The following CDK6 variants were observed in gnomAD, a reference collection of about 807,000 sequenced individuals.
CDK6 encodes the protein cyclin-dependent kinase 6.
Under a neutral mutation model 37.1 loss-of-function variants are expected in CDK6, and 6 were observed. That is an observed-to-expected ratio of 0.16 (90% CI 0.09 to 0.32). CDK6 has a LOEUF of 0.32. Ranked by LOEUF, CDK6 falls within the 10% of genes least tolerant of loss-of-function variation. The pLI, the probability that CDK6 is intolerant of heterozygous loss-of-function variation, is 1.00. For synonymous variants in CDK6, 160 were observed against 161.3 expected, an observed-to-expected ratio of 0.99 and a Z score of 0.06; for missense variants, 224 against 418.9, an observed-to-expected ratio of 0.53 and a Z score of 4.06.
intron 2 of CDK6, among the ~76,000 whole-genome samples, chr7:92,781,006 A>G (rs1799977670): frequency 6.6e-6 from 1 of 152,342 alleles, no homozygotes; most frequent in African/African-American, 2.4e-5. Flanking sequence ...TTGAATATGA[A>G]CAAAATATCT....
chr7:92,660,758 T>G (rs1205650476), intron 5 of CDK6, among the ~76,000 whole-genome samples: 14 of 151,974 alleles, frequency 9.2e-5, no homozygotes, highest in Admixed American at 9.2e-4. Context: ...TGAAGATGAT[T>G]CCAGGGTGAC....
At chr7:92,648,885 G>A (rs1369603510) in intron 5 of CDK6, among the ~76,000 whole-genome samples, 1 of 152,072 alleles carries the variant, frequency 6.6e-6, no homozygotes, top group African/African-American at 2.4e-5. Flanking sequence ...TTTGGGATAT[G>A]TAAGTATAAA....
intron 5 of CDK6, among the ~76,000 whole-genome samples, chr7:92,664,743 C>A (rs986957740): frequency 2.0e-5 from 3 of 151,964 alleles, no homozygotes; most frequent in African/African-American, 7.3e-5. Flanking sequence ...ATCTGCTTGC[C>A]ACAATCTTCG....
chr7:92,609,622 T>C lies in CDK6; in HGVS notation c.*5518A>G, dbSNP rs1299824112. 4.3e-6 allele frequency: 1 copy of C among 231,014 alleles called. No homozygotes were observed. The highest frequency in any genetic ancestry group is 8.6e-6 in the Non-Finnish European group (1 of 116,772). The allele number at this position is 231,014 out of a possible 1,614,324, so 14.3% of individuals were successfully genotyped here. On this transcript the variant is annotated 3_prime_UTR_variant, in exon 8 of 8. Coordinates refer to ENST00000424848, the MANE Select transcript of CDK6 (RefSeq NM_001145306.2). ...ATCTTTAAATTAGGATTTTAAAATT[T>C]AATCAATGTTGAAAGGCCACCATGC...
In CDK6 at chr7:92,835,999, A is replaced by T. The variant is rs1801660593; in HGVS notation, c.-368+479T>A. Reference sequence around the variant, plus strand: ...GGAGGGGAAGGTGGAGCCCACACCCACACCTCAGCGAGCTGGAGAGGGAGT... The same window carrying T: ...GGAGGGGAAGGTGGAGCCCACACCCTCACCTCAGCGAGCTGGAGAGGGAGT... On this transcript the variant is annotated intron_variant, in intron 1 of 7. Transcript: ENST00000424848. This position sits in a 1 kb window ranked among gnomAD's most constrained non-coding sequence, Gnocchi z 4.2. 6.6e-6 allele frequency among the ~76,000 whole-genome samples: 1 copy of T among 152,060 alleles called. No individual in the cohort carries two copies. Among genetic ancestry groups the T allele is most frequent in the Non-Finnish European group, 1.5e-5 (1 of 68,000 alleles).
chr7:92,795,995 T>G (rs886696521), intron 2 of CDK6, among the ~76,000 whole-genome samples: 5 of 150,960 alleles, frequency 3.3e-5, no homozygotes, highest in African/African-American at 1.2e-4. Flanking sequence ...CTGAAGAATA[T>G]CCACTGAAAC....
intron 3 of CDK6, among the ~76,000 whole-genome samples, chr7:92,729,516 T>C (rs564533865): frequency 7.9e-5 from 12 of 152,250 alleles, no homozygotes; most frequent in African/African-American, 2.4e-4. Context: ...CAGGACACCA[T>C]TGTGGAATGA....
At chr7:92,756,703 G>A (rs937544696) in intron 3 of CDK6, among the ~76,000 whole-genome samples, 1 of 152,202 alleles carries the variant, frequency 6.6e-6, no homozygotes, top group African/African-American at 2.4e-5. Context: ...CAACATTAGA[G>A]TGGTGGGCTC....
rs1471636836 is a variant in CDK6 at position 92,611,528 on chromosome 7, A to G, written c.*3612T>C. On this transcript the variant is annotated 3_prime_UTR_variant, in exon 8 of 8. Transcript: ENST00000424848. ...AAGCTTACATAATTTAATTTCCACA[A>G]TGGAACAATAATGGCCATTACTGAC... 4.4e-6 allele frequency: 1 copy of G among 227,268 alleles called. No homozygotes were observed. The highest frequency in any genetic ancestry group is 2.2e-5 in the African/African-American group (1 of 45,034). The allele number at this position is 227,268 out of a possible 1,614,324, so 14.1% of individuals were successfully genotyped here. A position where few individuals can be genotyped will look rare whatever the true frequency, so the allele number is the denominator to read the frequency against.
intron 4 of CDK6, among the ~76,000 whole-genome samples, chr7:92,709,508 A>G (rs1798038021): frequency 6.6e-6 from 1 of 152,124 alleles, no homozygotes; most frequent in South Asian, 2.1e-4. Context: ...TAAGAGTTGT[A>G]GAGGCAACTT....
intron 3 of CDK6, among the ~76,000 whole-genome samples, chr7:92,735,851 T>A (rs1798772600): frequency 6.6e-6 from 1 of 152,200 alleles, no homozygotes; most frequent in African/African-American, 2.4e-5. Flanking sequence ...GCCATAATCC[T>A]GCATTGTGGC....
chr7:92,776,830 T>C (rs942841819), intron 2 of CDK6, among the ~76,000 whole-genome samples: 2 of 152,220 alleles, frequency 1.3e-5, no homozygotes, highest in African/African-American at 4.8e-5. Context: ...GATGGATAGA[T>C]TGCAAAAATT....
At chr7:92,770,119 G>A (rs1205303389) in intron 3 of CDK6, among the ~76,000 whole-genome samples, 2 of 152,022 alleles carry the variant, frequency 1.3e-5, no homozygotes, top group Non-Finnish European at 2.9e-5. Flanking sequence ...ATTAGAAAGA[G>A]GAAAGCCAGA....
At chr7:92,705,956 G>C (rs556528300) in intron 4 of CDK6, among the ~76,000 whole-genome samples, 1 of 152,358 alleles carries the variant, frequency 6.6e-6, no homozygotes, top group South Asian at 2.1e-4. Context: ...GACAGTGCAG[G>C]TTATACAAGG....
chr7:92,675,658 C>T (rs1419925478), intron 4 of CDK6, among the ~76,000 whole-genome samples: 1 of 152,128 alleles, frequency 6.6e-6, no homozygotes, highest in Non-Finnish European at 1.5e-5. Flanking sequence ...GTACAAACAA[C>T]AGAAGAATAA....
At chr7:92,616,399 TG>T (rs1490263568) in intron 7 of CDK6, among the ~76,000 whole-genome samples, 4 of 152,210 alleles carry the variant, frequency 2.6e-5, no homozygotes, top group Non-Finnish European at 5.9e-5. Context: ...GGCAAATTCT[TG>T]GGTCCTCTGA....
chr7:92,804,305 G>A (rs1227791690), intron 2 of CDK6, among the ~76,000 whole-genome samples: 3 of 152,088 alleles, frequency 2.0e-5, no homozygotes, highest in Non-Finnish European at 4.4e-5. Context: ...TGATTCCCTA[G>A]CAGGGTCCAA....
intron 3 of CDK6, among the ~76,000 whole-genome samples, chr7:92,732,381 C>A (rs995767913): frequency 1.3e-5 from 2 of 152,230 alleles, no homozygotes; most frequent in African/African-American, 4.8e-5. Context: ...TGCACCACTG[C>A]ACCCCAGCCT....
intron 3 of CDK6, among the ~76,000 whole-genome samples, chr7:92,768,734 T>C (rs1165524200): frequency 6.6e-6 from 1 of 152,184 alleles, no homozygotes; most frequent in African/African-American, 2.4e-5. Context: ...AAACAGAGTA[T>C]GAGTGTCGGT....
Sources: allele counts gnomAD v4.1 joint callset (sites outside exome capture counted in the v4.1 genomes callset), GRCh38; gene constraint gnomAD v4.1.1; non-coding constraint Gnocchi (gnomAD v3.1); transcripts MANE v1.5; gene names NCBI Gene and HGNC (gene_info 2026-07-23, HGNC 2026-07-21).